The following ZNF134 variants were observed in gnomAD, a reference collection of about 807,000 sequenced individuals.
ZNF134 encodes the protein zinc finger protein 134.
ZNF134 carries 5 observed loss-of-function variants against 2.5 expected under a neutral mutation model. That is an observed-to-expected ratio of 2.03 (90% CI 1.06 to 4.27). The LOEUF (loss-of-function observed/expected upper bound fraction) is 4.27. Among genes scored for constraint, ZNF134 ranks in the 30% most tolerant of loss-of-function variants. The pLI is 0.00. For synonymous variants in ZNF134, 176 were observed against 176.2 expected, an observed-to-expected ratio of 1.00 and a Z score of 0.01; for missense variants, 540 against 517.5, an observed-to-expected ratio of 1.04 and a Z score of -0.42.
chr19:57,615,387 G>A (rs1489404009), intron 1 of ZNF134, among the ~76,000 whole-genome samples: 1 of 151,930 alleles, frequency 6.6e-6, no homozygotes, highest in Non-Finnish European at 1.5e-5. Context: ...GGTTTAGGGT[G>A]GAAGGCCAGG....
chr19:57,621,219 C>A lies in ZNF134; in HGVS notation c.1100C>A (p.Thr367Asn). 6.2e-7 allele frequency: 1 copy of A among 1,614,164 alleles called. No individual in the cohort carries two copies. The highest frequency in any genetic ancestry group is 8.5e-7 in the Non-Finnish European group (1 of 1,180,040). Residue 367 changes from threonine (T) to asparagine (N), a missense_variant, in exon 3 of 3, where the codon ACT (threonine) becomes AAT (asparagine). Coordinates refer to ENST00000396161, the MANE Select transcript of ZNF134 (RefSeq NM_003435.5). ...SDYIAHQRVH[T>N]GERPFVCSKC... ...TATATTGCACACCAGAGGGTTCACA[C>A]TGGTGAAAGGCCTTTTGTGTGCAGT...
At chr19:57,615,745 G>A (rs1981035644) in intron 1 of ZNF134, among the ~76,000 whole-genome samples, 2 of 152,220 alleles carry the variant, frequency 1.3e-5, no homozygotes, top group African/African-American at 4.8e-5. Flanking sequence ...GAGGGAAGGG[G>A]AAGGTGAGTT....
In ZNF134 at chr19:57,614,488, G is replaced by A. The variant is rs749172424; in HGVS notation, c.-73G>A. On this transcript the variant is annotated 5_prime_UTR_variant, in exon 1 of 3. Transcript: ENST00000396161. ...GAACTGTGATGGCGGCGGCCGCGGT[G>A]ATGGGCCCGGCGCAGGTGGGTGCTG... The A allele has an allele frequency of 5.8e-5, 23 of 395,810 alleles. No homozygotes were observed. Among genetic ancestry groups the A allele is most frequent in the Non-Finnish European group, 9.5e-5 (19 of 198,970 alleles). 24.5% of individuals were successfully genotyped at this position (395,810 alleles called of 1,614,324 possible). A position where few individuals can be genotyped will look rare whatever the true frequency, so the allele number is the denominator to read the frequency against.
chr19:57,621,711 C>T lies in ZNF134; in HGVS notation c.*308C>T, dbSNP rs892111277. Reference sequence around the variant, plus strand: ...GGGGTCCTCATTCCCTTCTGTATGACAGGTATAGGTATGGATATGACCCAT... The same window carrying T: ...GGGGTCCTCATTCCCTTCTGTATGATAGGTATAGGTATGGATATGACCCAT... On this transcript the variant is annotated 3_prime_UTR_variant, in exon 3 of 3. Transcript: ENST00000396161. The T allele has an allele frequency of 8.1e-6, 4 of 491,102 alleles. No homozygotes were observed. Among genetic ancestry groups the T allele is most frequent in the African/African-American group, 3.9e-5 (2 of 51,460 alleles). The allele number at this position is 491,102 out of a possible 1,614,324, so 30.4% of individuals were successfully genotyped here.
intron 1 of ZNF134, among the ~76,000 whole-genome samples, chr19:57,615,254 TAG>T (rs768276407): frequency 2.0e-5 from 3 of 151,980 alleles, no homozygotes; most frequent in East Asian, 1.9e-4. Context: ...TCTGGGGTTC[TAG>T]AGAGGGAGTT....
Position 57,622,355 on chromosome 19 carries a change from G to A in ZNF134, c.*952G>A, listed in dbSNP as rs1370847911. 6.6e-6 allele frequency: 1 copy of A among 152,186 alleles called. No individual in the cohort carries two copies. Among genetic ancestry groups the A allele is most frequent in the Non-Finnish European group, 1.5e-5 (1 of 68,068 alleles). 9.4% of individuals were successfully genotyped at this position (152,186 alleles called of 1,614,324 possible). On this transcript the variant is annotated 3_prime_UTR_variant, in exon 3 of 3. Transcript: ENST00000396161. ...CTGTTTCACAGGCCACTGTTGGTAA[G>A]ATCTAAAGCATCCAGTAGGGAAACA...
In ZNF134 at chr19:57,620,445, A is replaced by G. The variant is rs1170408706; in HGVS notation, c.326A>G (p.Asp109Gly). The change falls in exon 3 of 3, where the codon GAT (aspartate) becomes GGT (glycine). Residue 109 changes from aspartate to glycine, a missense_variant. Asp to Gly is a moderately conservative substitution (Grantham distance 94, BLOSUM62 -1). Transcript: ENST00000396161. ...AGTATAGAGCAACCCTTAAGAAGGG[A>G]TAAAAGTGAGGCCTCAATTGTGAAG... is the stretch of plus-strand genomic sequence containing the variant. The part of the protein sequence containing the change: ...CYSIEQPLRR[D>G]KSEASIVKNC... 3.1e-6 allele frequency: 5 copies of G among 1,614,086 alleles called. No homozygotes were observed. The African/African-American group carries it at 4.0e-5, about 13-fold the overall frequency.
intron 1 of ZNF134, among the ~76,000 whole-genome samples, chr19:57,617,586 TGAGTG>T (rs1981088168): frequency 6.6e-6 from 1 of 152,014 alleles, no homozygotes; most frequent in African/African-American, 2.4e-5. Flanking sequence ...CAAAGACACT[TGAGTG>T]GAGGTGTCAA....
Position 57,620,294 on chromosome 19 carries a change from T to C in ZNF134, c.175T>C (p.Leu59=). The change falls in exon 3 of 3, where the codon TTG becomes CTG. Residue 59 remains leucine (L), a synonymous_variant. Transcript: ENST00000396161. ...CCCTTGTGACATATGTGGCCCCATC[T>C]TGAAAGATATTTTGCACCTGGATGA... ...ALPCDICGPI[L]KDILHLDEHQ... 6.2e-7 allele frequency: 1 copy of C among 1,614,208 alleles called. No homozygotes were observed. Among genetic ancestry groups the C allele is most frequent in the Non-Finnish European group, 8.5e-7 (1 of 1,180,040 alleles).
At position 57,616,264 on chromosome 19, in the gene ZNF134, A is replaced by T. The variant is rs576087191; in HGVS notation, c.-58+1761A>T. On this transcript the variant is annotated intron_variant, in intron 1 of 2. Coordinates refer to ENST00000396161, the MANE Select transcript of ZNF134 (RefSeq NM_003435.5). Reference sequence around the variant, plus strand: ...TGCAAGGGCTAGTGTACACCTTGCAAGTACGCAGAAGGAACTAAAAAATGT... The same window carrying T: ...TGCAAGGGCTAGTGTACACCTTGCATGTACGCAGAAGGAACTAAAAAATGT... Among the ~76,000 whole-genome samples, 120 of 152,392 alleles carry T rather than the reference A, an allele frequency of 7.9e-4. 1 individual carries two copies. The highest frequency in any genetic ancestry group is 2.8e-3 in the African/African-American group (116 of 41,592).
chr19:57,623,776 A>G lies in ZNF134; in HGVS notation c.*2373A>G, dbSNP rs1981300466. 6.6e-6 allele frequency: 1 copy of G among 152,240 alleles called. No individual in the cohort carries two copies. Among genetic ancestry groups the G allele is most frequent in the Admixed American group, 6.5e-5 (1 of 15,290 alleles). The allele number at this position is 152,240 out of a possible 1,614,324, so 9.4% of individuals were successfully genotyped here. A position where few individuals can be genotyped will look rare whatever the true frequency, so the allele number is the denominator to read the frequency against. ...AGTTTAAACTATCACTCATCTCAGC[A>G]AAAGCCAAAAATATAGATAGGGGAT... On this transcript the variant is annotated 3_prime_UTR_variant, in exon 3 of 3. Transcript: ENST00000396161.
At position 57,621,169 on chromosome 19, in the gene ZNF134, G is replaced by A. The variant is rs752749880; in HGVS notation, c.1050G>A (p.Gly350=). The stretch of plus-strand genomic sequence containing the variant: ...AGCCGTTTGAGTGCATTGAATGCGG[G>A]AAATTCTTTAGTCGAAGTTCTGACT... The part of the protein sequence containing the change: ...ESKPFECIEC[G]KFFSRSSDYI... Residue 350 remains glycine (G), a synonymous_variant, in exon 3 of 3, where the codon GGG becomes GGA. Coordinates refer to ENST00000396161, the MANE Select transcript of ZNF134 (RefSeq NM_003435.5). The A allele has an allele frequency of 7.4e-6, 12 of 1,614,096 alleles. No individual in the cohort carries two copies. The highest frequency in any genetic ancestry group is 4.5e-5 in the East Asian group (2 of 44,896).
At position 57,623,979 on chromosome 19, in the gene ZNF134, G is replaced by T. The variant is rs1456344954; in HGVS notation, c.*2576G>T. ...TAGGCATGTAAAGTGTGAAGTTAAAGGTTGTAATATTCTATACATGGGACT... is the reference window on the plus strand; with the variant it reads ...TAGGCATGTAAAGTGTGAAGTTAAATGTTGTAATATTCTATACATGGGACT... On this transcript the variant is annotated 3_prime_UTR_variant, in exon 3 of 3. Coordinates refer to ENST00000396161, the MANE Select transcript of ZNF134 (RefSeq NM_003435.5). The T allele has an allele frequency of 6.6e-6, 1 of 152,210 alleles. No individual in the cohort carries two copies. Among genetic ancestry groups the T allele is most frequent in the Admixed American group, 6.5e-5 (1 of 15,276 alleles). The allele number at this position is 152,210 out of a possible 1,614,324, so 9.4% of individuals were successfully genotyped here. A position where few individuals can be genotyped will look rare whatever the true frequency, so the allele number is the denominator to read the frequency against.
At chr19:57,615,727 A>G (rs1339665882) in intron 1 of ZNF134, among the ~76,000 whole-genome samples, 1 of 152,152 alleles carries the variant, frequency 6.6e-6, no homozygotes, top group Admixed American at 6.5e-5. Flanking sequence ...TATTTTCCAA[A>G]TAAGGAAGAG....
intron 1 of ZNF134, among the ~76,000 whole-genome samples, 198 bp downstream of exon 1, chr19:57,614,701 G>C (rs896525121): frequency 6.6e-6 from 1 of 152,208 alleles, no homozygotes; most frequent in Non-Finnish European, 1.5e-5. Flanking sequence ...AGTCGGGAGC[G>C]TGTGTGAACC....
In ZNF134 at chr19:57,623,582, A is replaced by G. The variant is rs1045074400; in HGVS notation, c.*2179A>G. The G allele has an allele frequency of 1.2e-4, 19 of 152,152 alleles. No homozygotes were observed. The highest frequency in any genetic ancestry group is 4.6e-4 in the African/African-American group (19 of 41,432). The allele number at this position is 152,152 out of a possible 1,614,324, so 9.4% of individuals were successfully genotyped here. The stretch of plus-strand genomic sequence containing the variant: ...ACAAACCATTGAAATTAAGAGATTC[A>G]TTGTTAGGAAAGATAGATGTTTTAG... On this transcript the variant is annotated 3_prime_UTR_variant, in exon 3 of 3. Transcript: ENST00000396161.
At chr19:57,618,523 G>A (rs1285839553) in intron 1 of ZNF134, among the ~76,000 whole-genome samples, 3 of 152,182 alleles carry the variant, frequency 2.0e-5, no homozygotes, top group Non-Finnish European at 4.4e-5. Context: ...ATAATCTGTT[G>A]ATCCCCAGGG....
chr19:57,615,521 A>G (rs1003825394), intron 1 of ZNF134, among the ~76,000 whole-genome samples: 1 of 151,916 alleles, frequency 6.6e-6, no homozygotes, highest in Admixed American at 6.6e-5. Flanking sequence ...CACTCAGGCA[A>G]AAGTTTTCTC....
In ZNF134 at chr19:57,621,683, T is replaced by C. The variant is rs1462171966; in HGVS notation, c.*280T>C. The C allele has an allele frequency of 1.2e-5, 7 of 570,376 alleles. No individual in the cohort carries two copies. Among genetic ancestry groups the C allele is most frequent in the East Asian group, 3.4e-5 (1 of 29,404 alleles). The allele number at this position is 570,376 out of a possible 1,614,324, so 35.3% of individuals were successfully genotyped here. A position where few individuals can be genotyped will look rare whatever the true frequency, so the allele number is the denominator to read the frequency against. On this transcript the variant is annotated 3_prime_UTR_variant, in exon 3 of 3. Coordinates refer to ENST00000396161, the MANE Select transcript of ZNF134 (RefSeq NM_003435.5). ...GAAAATCATGAAATGCCTGAGTTCA[T>C]TGGGGGTCCTCATTCCCTTCTGTAT...
Sources: gnomAD v4.1 joint callset for allele counts (sites outside exome capture counted in the v4.1 genomes callset) on GRCh38, gnomAD v4.1.1 for gene constraint, MANE v1.5 for transcripts, NCBI Gene and HGNC (gene_info 2026-07-23, HGNC 2026-07-21) for gene names.